Variants in RFC1 observed in about 807,000 individuals in gnomAD.
RFC1 encodes the protein A1 140 kDa subunit.
A neutral mutation model predicts 137.4 loss-of-function variants in RFC1; 37 were observed. The observed-to-expected ratio is 0.27, with a 90% CI of 0.21 to 0.35. The LOEUF (loss-of-function observed/expected upper bound fraction) is 0.35, where lower values mean the gene tolerates loss of function less well. Among genes scored for constraint, RFC1 ranks in the 10% least tolerant of loss-of-function variants. The probability of loss-of-function intolerance (pLI) is 1.00; values close to 1 mark genes in which losing one functional copy is unlikely to be tolerated. For missense variants in RFC1, 1,205 were observed against 1,358.5 expected, an observed-to-expected ratio of 0.89 and a Z score of 1.78; for synonymous variants, 429 against 455.7, an observed-to-expected ratio of 0.94 and a Z score of 0.75.
chr4:39,303,820 T>A (rs1279519166), intron 15 of RFC1, among the ~76,000 whole-genome samples: 1 of 152,212 alleles, frequency 6.6e-6, no homozygotes, highest in Non-Finnish European at 1.5e-5. Flanking sequence ...ACTTCATTTT[T>A]TAAGGCAATT....
chr4:39,319,581 A>G (rs1035788062), intron 9 of RFC1, among the ~76,000 whole-genome samples: 1 of 152,210 alleles, frequency 6.6e-6, no homozygotes, highest in African/African-American at 2.4e-5. Context: ...TCTAAATAAG[A>G]TATCTTAAAA....
In RFC1 at chr4:39,342,406, T is replaced by C; in HGVS notation, c.270A>G (p.Pro90=). The C allele has an allele frequency of 4.3e-6, 7 of 1,613,644 alleles. No individual in the cohort carries two copies. The highest frequency in any genetic ancestry group is 5.9e-6 in the Non-Finnish European group (7 of 1,179,670). ...KNAKKPPEKL[P]VSSKPGKISR... ...AAATTTTACCAGGTTTAGAAGATAC[T>C]GGCAGTTTTTCTGGTGGCTTTTTGG... Residue 90 remains proline (P), a synonymous_variant, in exon 4 of 25, where the codon CCA becomes CCG. Coordinates refer to ENST00000349703, the MANE Select transcript of RFC1 (RefSeq NM_002913.5).
Position 39,349,795 on chromosome 4 carries a change from G to A in RFC1, c.132+1553C>T, listed in dbSNP as rs551789404. On this transcript the variant is annotated intron_variant, in intron 2 of 24. Transcript: ENST00000349703. The stretch of plus-strand genomic sequence containing the variant: ...CGAGGCAGGTAGATCACCTGAGATC[G>A]GGAGTTTGAGACCAGCCTGGCCAAT... Among the ~76,000 whole-genome samples the A allele has an allele frequency of 3.3e-5, 5 of 152,162 alleles. No homozygotes were observed. The South Asian group carries it at 6.2e-4, about 19-fold the overall frequency.
chr4:39,298,307 CAAAAAAAAAAA>C (rs55727769), intron 21 of RFC1, among the ~76,000 whole-genome samples: 1 of 111,212 alleles, frequency 9.0e-6, no homozygotes, highest in African/African-American at 3.2e-5. Context: ...GACCTTGTCT[CAAAAAAAAAAA>C]AAAAAAAAAA....
rs752963051 is a variant in RFC1, at chr4:39,302,780, C to G, written c.2297G>C (p.Cys766Ser). ...AGGTCTTTGAAAACGAAGATCAAAA[C>G]AATAATGAACCAGAGAGCGAATCTT... is the stretch of plus-strand genomic sequence containing the variant. Reference protein sequence around the residue: ...HPKIRSLVHYCFDLRFQRPRV... With the variant: ...HPKIRSLVHYSFDLRFQRPRV... Residue 766 changes from cysteine to serine, a missense_variant, in exon 17 of 25, where the codon TGT (cysteine) becomes TCT (serine). By Grantham distance (112) the Cys-to-Ser change is moderately radical (BLOSUM62 -1). Coordinates refer to ENST00000349703, the MANE Select transcript of RFC1 (RefSeq NM_002913.5). 1 of 1,599,660 alleles carries G rather than the reference C, an allele frequency of 6.3e-7. No individual in the cohort carries two copies. Among genetic ancestry groups the G allele is most frequent in the Non-Finnish European group, 8.5e-7 (1 of 1,176,240 alleles).
chr4:39,351,438 C>A lies in RFC1; in HGVS notation c.42G>T (p.Lys14Asn). Reference sequence around the variant, plus strand: ...TCTTTACTGTTTCACTTACAAGTTTCTTTCCACTTGGTATTACTCCAAAGA... The same window carrying A: ...TCTTTACTGTTTCACTTACAAGTTTATTTCCACTTGGTATTACTCCAAAGA... ...RKFFGVIPSG[K>N]KLVSETVKKN... Residue 14 changes from lysine (K) to asparagine (N), a missense_variant, in exon 2 of 25, where the codon AAG (lysine) becomes AAT (asparagine). Transcript: ENST00000349703. The A allele has an allele frequency of 1.3e-6, 2 of 1,576,112 alleles. No homozygotes were observed. Among genetic ancestry groups the A allele is most frequent in the Non-Finnish European group, 1.7e-6 (2 of 1,163,976 alleles).
intron 1 of RFC1, among the ~76,000 whole-genome samples, chr4:39,357,303 G>A (rs1316220328): frequency 2.0e-5 from 3 of 152,158 alleles, no homozygotes; most frequent in Admixed American, 6.5e-5. Flanking sequence ...GTGGCAAGAG[G>A]GAAGAATAAG....
intron 1 of RFC1, among the ~76,000 whole-genome samples, chr4:39,364,472 T>C (rs1331805539): frequency 6.6e-6 from 1 of 152,220 alleles, no homozygotes; most frequent in Non-Finnish European, 1.5e-5. Flanking sequence ...ACCTATTTCT[T>C]TTCTGAGAAG....
chr4:39,298,149 G>A (rs756129917), intron 21 of RFC1, among the ~76,000 whole-genome samples: 1 of 151,848 alleles, frequency 6.6e-6, no homozygotes, highest in Non-Finnish European at 1.5e-5. Flanking sequence ...TCTCTACAAC[G>A]AATACAAAAA....
chr4:39,330,024 A>G (rs1360629718), intron 4 of RFC1, among the ~76,000 whole-genome samples: 3 of 151,560 alleles, frequency 2.0e-5, no homozygotes, highest in Non-Finnish European at 4.4e-5. Context: ...ACAGAGTGAG[A>G]CTCCCTCTCA....
At chr4:39,350,618 A>G (rs1330442907) in intron 2 of RFC1, among the ~76,000 whole-genome samples, 1 of 152,194 alleles carries the variant, frequency 6.6e-6, no homozygotes, top group Non-Finnish European at 1.5e-5. Flanking sequence ...CAGTCAACCC[A>G]AAATTCCATA....
chr4:39,303,419 T>C (rs1314840465), intron 15 of RFC1, among the ~76,000 whole-genome samples: 1 of 152,056 alleles, frequency 6.6e-6, no homozygotes, highest in Non-Finnish European at 1.5e-5. Context: ...TAAGAGATAT[T>C]GTACACATAT....
intron 22 of RFC1, among the ~76,000 whole-genome samples, chr4:39,293,836 G>T (rs1432967842): frequency 6.6e-6 from 1 of 152,172 alleles, no homozygotes; most frequent in Non-Finnish European, 1.5e-5. Context: ...AAAAACGCCA[G>T]GTAAGGAGCA....
chr4:39,342,114 A>G (rs1314081366), intron 4 of RFC1, among the ~76,000 whole-genome samples: 1 of 152,240 alleles, frequency 6.6e-6, no homozygotes, highest in Non-Finnish European at 1.5e-5. Context: ...TTCAACTTAT[A>G]TGATTCAATA....
At chr4:39,348,087 T>G (rs145606626) in intron 2 of RFC1, among the ~76,000 whole-genome samples, 6 of 152,114 alleles carry the variant, frequency 3.9e-5, no homozygotes, top group Non-Finnish European at 7.4e-5. Context: ...GACCAGAACT[T>G]GAAGATTTGT....
chr4:39,316,285 C>T (rs569049434), intron 10 of RFC1, among the ~76,000 whole-genome samples: 1 of 152,198 alleles, frequency 6.6e-6, no homozygotes, highest in African/African-American at 2.4e-5. Flanking sequence ...AACATTAGGC[C>T]CTGCAAGATG....
In RFC1 at chr4:39,311,521, T is replaced by G. The variant is rs771612144; in HGVS notation, c.1412A>C (p.Asp471Ala). 1 of 1,614,078 alleles carries G rather than the reference T, an allele frequency of 6.2e-7. No homozygotes were observed. The change falls in exon 12 of 25, where the codon GAT (aspartate) becomes GCT (alanine). Residue 471 changes from aspartate to alanine, a missense_variant. Physicochemically the swap from Asp to Ala is moderately radical, Grantham distance 126. Coordinates refer to ENST00000349703, the MANE Select transcript of RFC1 (RefSeq NM_002913.5). The stretch of plus-strand genomic sequence containing the variant: ...AATCAGATTCAACAGGCCATCTTCA[T>G]CAATAATTTTTGTCCCCAAGGCTGC... Reference protein sequence around the residue: ...KAAALGTKIIDEDGLLNLIRT... With the variant: ...KAAALGTKIIAEDGLLNLIRT...
intron 2 of RFC1, among the ~76,000 whole-genome samples, chr4:39,348,688 G>C (rs1269088882): frequency 6.6e-6 from 1 of 151,946 alleles, no homozygotes; most frequent in African/African-American, 2.4e-5. Context: ...GGCCCCAAAA[G>C]CAATTCAGAG....
chr4:39,336,327 AC>A (rs1176927477), intron 4 of RFC1, among the ~76,000 whole-genome samples: 1 of 6,810 alleles, frequency 1.5e-4, no homozygotes, highest in Non-Finnish European at 7.9e-3. Context: ...AGGCAGATCC[AC>A]ACCACAGAAC....
Sources: gnomAD v4.1 joint callset for allele counts (sites outside exome capture counted in the v4.1 genomes callset) on GRCh38, gnomAD v4.1.1 for gene constraint, MANE v1.5 for transcripts, NCBI Gene and HGNC (gene_info 2026-07-23, HGNC 2026-07-21) for gene names.